The following GALNT13 variants were observed in gnomAD, a reference collection of about 807,000 sequenced individuals.
GALNT13 encodes the protein polypeptide N-acetylgalactosaminyltransferase 13, also known as UDP-GalNAc:polypeptide N-acetylgalactosaminyltransferase 13.
Under a neutral mutation model 64.2 loss-of-function variants are expected in GALNT13, and 28 were observed. The ratio of observed to expected loss-of-function variants is 0.44; its 90% CI spans 0.32 to 0.60. The LOEUF (loss-of-function observed/expected upper bound fraction) is 0.60, where lower values mean the gene tolerates loss of function less well. Ranked by LOEUF, GALNT13 falls within the 20% of genes least tolerant of loss-of-function variation. The pLI is 0.05. For synonymous variants in GALNT13, 214 were observed against 224.6 expected (o/e 0.95, Z 0.42); for missense variants, 577 against 669.8 (o/e 0.86, Z 1.53).
At chr2:153,890,726 T>TGTG (rs914506420) in intron 1 of GALNT13, among the ~76,000 whole-genome samples, 1 of 152,026 alleles carries the variant, frequency 6.6e-6, no homozygotes, top group Non-Finnish European at 1.5e-5. Context: ...ACTCATGCTG[T>TGTG]GTGGTGGCTG....
chr2:154,129,076 C>T (rs1016853723), intron 3 of GALNT13, among the ~76,000 whole-genome samples: 8 of 151,896 alleles, frequency 5.3e-5, no homozygotes, highest in African/African-American at 1.7e-4. Context: ...TATTTTAACC[C>T]TACCTCAAGC....
At chr2:153,980,351 T>C (rs902885760) in intron 3 of GALNT13, among the ~76,000 whole-genome samples, 2 of 151,966 alleles carry the variant, frequency 1.3e-5, no homozygotes, top group Non-Finnish European at 2.9e-5. Context: ...TTAGAGAGCA[T>C]GAAAAGTGGG....
At chr2:154,391,349 T>G (rs1316850878) in intron 9 of GALNT13, among the ~76,000 whole-genome samples, 1 of 152,236 alleles carries the variant, frequency 6.6e-6, no homozygotes, top group East Asian at 1.9e-4. Context: ...CTAGTTATTT[T>G]GGGTGCTAAT....
At chr2:154,027,657 G>A (rs1004491085) in intron 3 of GALNT13, among the ~76,000 whole-genome samples, 11 of 151,766 alleles carry the variant, frequency 7.2e-5, no homozygotes, top group Non-Finnish European at 1.3e-4. Context: ...ATTTTCAGAA[G>A]GAAATATATT....
chr2:153,956,369 C>T lies in GALNT13; in HGVS notation c.142+11730C>T, dbSNP rs139772046. Among the ~76,000 whole-genome samples, 592 of 152,274 alleles carry T rather than the reference C, an allele frequency of 3.9e-3. 2 individuals are homozygous for T. Among genetic ancestry groups the T allele is most frequent in the African/African-American group, 0.014 (567 of 41,552 alleles). ...ATCAATACCTTAAGAAAATTTGGTT[C>T]AGATATAGAGACCATTTTCTAAAAA... On this transcript the variant is annotated intron_variant, in intron 3 of 12. Transcript: ENST00000392825.
At chr2:154,046,749 A>T (rs72868475) in intron 3 of GALNT13, among the ~76,000 whole-genome samples, 10,825 of 152,188 alleles carry the variant, frequency 0.071, 456 homozygotes, top group Middle Eastern at 0.14. Flanking sequence ...AGGAAAAGAC[A>T]CTGTGGAGAA....
At chr2:153,434,636 G>T in the GALNT13 span, among the ~76,000 whole-genome samples, 1 of 152,190 alleles carries the variant, frequency 6.6e-6, no homozygotes, top group Non-Finnish European at 1.5e-5. Context: ...CTTTTGAGAA[G>T]TGTCTGTTCG....
chr2:153,071,430 A>G, the GALNT13 span, among the ~76,000 whole-genome samples: 2 of 152,234 alleles, frequency 1.3e-5, no homozygotes, highest in Admixed American at 6.5e-5. Context: ...ATAATCAGCC[A>G]ACAAGGAGAA....
chr2:153,945,886 CA>C (rs1333873202), intron 3 of GALNT13, among the ~76,000 whole-genome samples: 3 of 152,154 alleles, frequency 2.0e-5, no homozygotes, highest in African/African-American at 7.2e-5. Context: ...ATGGAACTTG[CA>C]TTTTAGATTT....
At chr2:153,405,404 A>G in the GALNT13 span, among the ~76,000 whole-genome samples, 3 of 152,292 alleles carry the variant, frequency 2.0e-5, no homozygotes, top group South Asian at 2.1e-4. Flanking sequence ...GTGCCTGTGT[A>G]TCTTCATGCC....
At chr2:154,066,370 T>C (rs1381443207) in intron 3 of GALNT13, among the ~76,000 whole-genome samples, 1 of 151,928 alleles carries the variant, frequency 6.6e-6, no homozygotes, top group African/African-American at 2.4e-5. Flanking sequence ...AGTATTCAAG[T>C]ACAAAAAGGT....
chr2:153,658,902 C>T, the GALNT13 span, among the ~76,000 whole-genome samples: 1 of 151,944 alleles, frequency 6.6e-6, no homozygotes, highest in Non-Finnish European at 1.5e-5. Context: ...TCTGTTGACC[C>T]ATTTATCAGC....
chr2:153,384,498 A>G, the GALNT13 span, among the ~76,000 whole-genome samples: 1 of 151,958 alleles, frequency 6.6e-6, no homozygotes, highest in Non-Finnish European at 1.5e-5. Flanking sequence ...TAAAGTAGGA[A>G]ATGTTGTCCC....
chr2:153,281,144 G>A, the GALNT13 span, among the ~76,000 whole-genome samples: 3 of 152,066 alleles, frequency 2.0e-5, no homozygotes, highest in African/African-American at 7.2e-5. Flanking sequence ...ACTGTTGTTG[G>A]TTTAAAGTCT....
chr2:153,814,043 G>C, the GALNT13 span, among the ~76,000 whole-genome samples: 1 of 152,190 alleles, frequency 6.6e-6, no homozygotes, highest in Non-Finnish European at 1.5e-5. Flanking sequence ...ACTCCTTGTA[G>C]CATGGCAGCT....
At chr2:154,196,380 G>A (rs1268036455) in intron 4 of GALNT13, among the ~76,000 whole-genome samples, 1 of 152,140 alleles carries the variant, frequency 6.6e-6, no homozygotes, top group Non-Finnish European at 1.5e-5. Flanking sequence ...TATATTTCAA[G>A]AGAGAAACAG....
chr2:154,299,176 G>C (rs1292137596), intron 8 of GALNT13, among the ~76,000 whole-genome samples: 1 of 150,520 alleles, frequency 6.6e-6, no homozygotes, highest in Non-Finnish European at 1.5e-5. Flanking sequence ...AAAGATAGAC[G>C]ACTTTAGAAG....
intron 3 of GALNT13, among the ~76,000 whole-genome samples, chr2:154,067,933 A>G (rs1021384265): frequency 2.4e-5 from 2 of 84,198 alleles, no homozygotes; most frequent in African/African-American, 3.3e-5. Context: ...AAGACAACCC[A>G]CAGAATGGAA....
At chr2:153,480,233 G>GT in the GALNT13 span, among the ~76,000 whole-genome samples, 7 of 152,176 alleles carry the variant, frequency 4.6e-5, no homozygotes, top group East Asian at 1.4e-3. Context: ...TGTTTGCTTG[G>GT]TAAATCCTCT....
Sources: allele counts gnomAD v4.1 joint callset (sites outside exome capture counted in the v4.1 genomes callset), GRCh38; gene constraint gnomAD v4.1.1; transcripts MANE v1.5; gene names NCBI Gene and HGNC (gene_info 2026-07-23, HGNC 2026-07-21).